The following DAB1 variants were observed in gnomAD, a reference collection of about 807,000 sequenced individuals.
DAB1 encodes disabled homolog 1.
Under a neutral mutation model 64.6 loss-of-function variants are expected in DAB1, and 15 were observed. The observed-to-expected ratio is 0.23, with a 90% confidence interval of 0.16 to 0.36. The LOEUF is 0.36. Among genes scored for constraint, DAB1 ranks in the 10% least tolerant of loss-of-function variants. The pLI, the probability that DAB1 is intolerant of heterozygous loss-of-function variation, is 1.00. For synonymous variants in DAB1, 235 were observed against 251.9 expected (o/e 0.93, Z 0.64); for missense variants, 596 against 706.7 (o/e 0.84, Z 1.78).
At chr1:58,011,984 C>A (rs1445286816) in intron 5 of DAB1, among the ~76,000 whole-genome samples, 1 of 152,170 alleles carries the variant, frequency 6.6e-6, no homozygotes, top group African/African-American at 2.4e-5. Flanking sequence ...AGCCACCATG[C>A]CCAGCCATCT....
intron 3 of DAB1, among the ~76,000 whole-genome samples, chr1:58,483,875 C>T (rs1645530805): frequency 6.6e-6 from 1 of 152,160 alleles, no homozygotes; most frequent in Non-Finnish European, 1.5e-5. Context: ...GAGAAGTTTA[C>T]CTGTCATGGC....
At chr1:57,770,293 A>G (rs535298260) in intron 6 of DAB1, among the ~76,000 whole-genome samples, 1 of 152,280 alleles carries the variant, frequency 6.6e-6, no homozygotes, top group South Asian at 2.1e-4. Context: ...ATTGATTGAC[A>G]GGGCCTCACT....
chr1:57,188,657 G>A (rs1663836164), intron 2 of DAB1, among the ~76,000 whole-genome samples: 1 of 151,256 alleles, frequency 6.6e-6, no homozygotes, highest in East Asian at 1.9e-4. Flanking sequence ...CTACAACACT[G>A]CTCTTTGCCA....
chr1:58,529,980 A>T (rs375696300), intron 1 of DAB1, among the ~76,000 whole-genome samples: 1 of 152,080 alleles, frequency 6.6e-6, no homozygotes, highest in African/African-American at 2.4e-5. Context: ...TCCTGGGTTC[A>T]CGCCATTCTC....
At chr1:57,004,631 T>A (rs1335753302) in intron 14 of DAB1, among the ~76,000 whole-genome samples, 1 of 152,240 alleles carries the variant, frequency 6.6e-6, no homozygotes. Context: ...AGCCTCATGG[T>A]CTTTTAGCCC....
chr1:58,015,353 C>A lies in DAB1; in HGVS notation n.388-131191G>T, dbSNP rs191913427. On this transcript the variant is annotated intron_variant and non_coding_transcript_variant, in intron 5 of 20. Coordinates refer to the DAB1 transcript ENST00000485760. ...TCTTCTGACTCTTGGCTCATTTTCC[C>A]ATCTCCTCTTTCCATGTTGTCCCCC... is the stretch of plus-strand genomic sequence containing the variant. Among the ~76,000 whole-genome samples, 13 of 152,288 alleles carry A rather than the reference C, an allele frequency of 8.5e-5. 1 individual carries two copies. The highest frequency in any genetic ancestry group is 3.1e-4 in the African/African-American group (13 of 41,554).
rs1646399492 is a variant in DAB1 at position 57,015,443 on chromosome 1, A to G, written c.896-12T>C. On this transcript the variant is annotated splice_polypyrimidine_tract_variant and intron_variant, in intron 11 of 14. Transcript: ENST00000371236. ...CATTGCAACGTAACCTGGGAGAATG[A>G]AAAAGGAGAGTCAGGTGTTTCCCTG... 8 of 1,592,192 alleles carry G rather than the reference A, an allele frequency of 5.0e-6. No individual in the cohort carries two copies. Among genetic ancestry groups the G allele is most frequent in the Non-Finnish European group, 6.8e-6 (8 of 1,168,918 alleles).
chr1:58,171,159 T>C (rs1461805638), intron 4 of DAB1, among the ~76,000 whole-genome samples: 1 of 152,192 alleles, frequency 6.6e-6, no homozygotes, highest in Non-Finnish European at 1.5e-5. Flanking sequence ...TACATGAATA[T>C]GGGGAACAAG....
intron 4 of DAB1, among the ~76,000 whole-genome samples, chr1:58,231,878 C>A (rs1408270160): frequency 6.6e-6 from 1 of 152,196 alleles, no homozygotes; most frequent in Non-Finnish European, 1.5e-5. Context: ...GCCAGTGATA[C>A]TGGTACCCAT....
At chr1:57,161,072 G>T (rs567554160) in intron 2 of DAB1, among the ~76,000 whole-genome samples, 1 of 152,206 alleles carries the variant, frequency 6.6e-6, no homozygotes, top group African/African-American at 2.4e-5. Flanking sequence ...TTGGGAATTT[G>T]CTGTAGTGTC....
intron 1 of DAB1, among the ~76,000 whole-genome samples, chr1:57,334,440 G>A (rs1330622595): frequency 1.3e-5 from 2 of 152,224 alleles, no homozygotes; most frequent in Non-Finnish European, 2.9e-5. Flanking sequence ...CTCACAAGTG[G>A]CAGTGAGGAT....
At chr1:58,135,089 GT>G (rs1406429892) in intron 5 of DAB1, among the ~76,000 whole-genome samples, 1 of 152,090 alleles carries the variant, frequency 6.6e-6, no homozygotes, top group African/African-American at 2.4e-5. Flanking sequence ...CTCATTTTTT[GT>G]TGAGGGAAAT....
intron 5 of DAB1, among the ~76,000 whole-genome samples, chr1:57,939,812 G>A (rs1645077466): frequency 6.6e-6 from 1 of 152,308 alleles, no homozygotes; most frequent in African/African-American, 2.4e-5. Context: ...AGTAAAGAAT[G>A]AGGCCAGCTT....
At chr1:58,517,111 T>C (rs377598694) in intron 2 of DAB1, among the ~76,000 whole-genome samples, 2 of 152,202 alleles carry the variant, frequency 1.3e-5, no homozygotes, top group Non-Finnish European at 2.9e-5. Context: ...GGAAGTACTA[T>C]CATGATTCTC....
intron 5 of DAB1, among the ~76,000 whole-genome samples, chr1:58,104,608 C>A (rs1651525343): frequency 6.6e-6 from 1 of 152,168 alleles, no homozygotes; most frequent in Admixed American, 6.5e-5. Flanking sequence ...CTCAGCTAAA[C>A]CCCCATTTCC....
intron 3 of DAB1, among the ~76,000 whole-genome samples, chr1:58,428,811 T>C (rs776012762): frequency 6.6e-6 from 1 of 152,232 alleles, no homozygotes; most frequent in Non-Finnish European, 1.5e-5. Flanking sequence ...AAATTATCCA[T>C]AATTTTTTAA....
chr1:57,398,622 A>C (rs1434202039), intron 1 of DAB1, among the ~76,000 whole-genome samples: 2 of 152,152 alleles, frequency 1.3e-5, no homozygotes, highest in African/African-American at 4.8e-5. Context: ...TTGATTTGGG[A>C]GTTAATTTTT....
chr1:57,899,815 A>G (rs999104807), intron 5 of DAB1, among the ~76,000 whole-genome samples: 2 of 152,002 alleles, frequency 1.3e-5, no homozygotes, highest in Non-Finnish European at 2.9e-5. Flanking sequence ...AGGTACGTTT[A>G]CCTCGGAATG....
At chr1:57,392,741 T>C (rs904152198) in intron 1 of DAB1, among the ~76,000 whole-genome samples, 3 of 152,234 alleles carry the variant, frequency 2.0e-5, no homozygotes, top group Non-Finnish European at 4.4e-5. Flanking sequence ...CCCTGACTTC[T>C]GAGAGGAACT....
Sources: gnomAD v4.1 joint callset for allele counts (sites outside exome capture counted in the v4.1 genomes callset) on GRCh38, gnomAD v4.1.1 for gene constraint, MANE v1.5 for transcripts, NCBI Gene and HGNC (gene_info 2026-07-23, HGNC 2026-07-21) for gene names.